MTUS2: variants seen among roughly 807,000 people sequenced by gnomAD.
MTUS2 encodes the protein microtubule associated scaffold protein 2.
A neutral mutation model predicts 114.1 loss-of-function variants in MTUS2; 40 were observed. The ratio of observed to expected loss-of-function variants is 0.35; its 90% confidence interval spans 0.27 to 0.46. The LOEUF is 0.46. Among genes scored for constraint, MTUS2 ranks in the 20% least tolerant of loss-of-function variants. MTUS2 has a pLI of 1.00. For missense variants in MTUS2, 1,679 were observed against 1,705.4 expected (o/e 0.98, Z 0.27); for synonymous variants, 688 against 672.0 (o/e 1.02, Z -0.37).
At chr13:28,993,808 G>C (rs1177616949) in intron 2 of MTUS2, among the ~76,000 whole-genome samples, 2 of 151,224 alleles carry the variant, frequency 1.3e-5, no homozygotes, top group African/African-American at 4.9e-5. Flanking sequence ...TTTTTTGCTT[G>C]GTTGATTTTC....
At chr13:29,007,758 C>T (rs984627268) in intron 2 of MTUS2, among the ~76,000 whole-genome samples, 26 of 152,118 alleles carry the variant, frequency 1.7e-4, no homozygotes, top group Admixed American at 1.5e-3. Flanking sequence ...CTTTCCCTCT[C>T]GCTTTACTTT....
intron 5 of MTUS2, chr13:29,250,487 A>G (rs1323037676): frequency 1.3e-5 from 2 of 151,380 alleles, no homozygotes; most frequent in African/African-American, 4.9e-5. Flanking sequence ...TCACTCTTGC[A>G]TGGCTGAATT....
chr13:29,394,388 G>T (rs1873741876), intron 8 of MTUS2, among the ~76,000 whole-genome samples: 2 of 152,276 alleles, frequency 1.3e-5, no homozygotes, highest in East Asian at 3.9e-4. Flanking sequence ...GTCTTAGGTG[G>T]ACGATTGGCA....
At chr13:28,965,850 A>G (rs1428123352) in intron 2 of MTUS2, among the ~76,000 whole-genome samples, 16 of 152,182 alleles carry the variant, frequency 1.1e-4, no homozygotes, top group Non-Finnish European at 2.4e-4. Context: ...CACCCACATT[A>G]TGGAGCATAA....
At chr13:29,349,442 G>T (rs1455981983) in intron 7 of MTUS2, among the ~76,000 whole-genome samples, 1 of 152,012 alleles carries the variant, frequency 6.6e-6, no homozygotes, top group Admixed American at 6.5e-5. Context: ...ATTTAAATAA[G>T]AAGAAGTCTG....
chr13:29,134,125 G>A (rs1011589512), intron 5 of MTUS2, among the ~76,000 whole-genome samples: 2 of 151,918 alleles, frequency 1.3e-5, no homozygotes, highest in African/African-American at 4.8e-5. Context: ...AATTTCCCTT[G>A]TGATTTCTTT....
intron 2 of MTUS2, among the ~76,000 whole-genome samples, chr13:29,002,371 C>T (rs1297664719): frequency 6.6e-6 from 1 of 152,200 alleles, no homozygotes; most frequent in Non-Finnish European, 1.5e-5. Flanking sequence ...CTGCTCTTGG[C>T]TGGTGTTTCC....
chr13:28,832,742 A>G (rs978652097), intron 1 of MTUS2, among the ~76,000 whole-genome samples: 13 of 141,066 alleles, frequency 9.2e-5, no homozygotes, highest in African/African-American at 3.1e-4. Flanking sequence ...GGACTAGAAC[A>G]GAAGTAAATG....
chr13:29,285,965 G>T lies in MTUS2; in HGVS notation c.2806+4100G>T, dbSNP rs377171689. Among the ~76,000 whole-genome samples, 16 of 152,258 alleles carry T rather than the reference G, an allele frequency of 1.1e-4. No individual in the cohort carries two copies. In the East Asian group the frequency reaches 1.7e-3, roughly 17 times the overall value. ...TTGTTTAGACAAGTCTCTCTCTTTT[G>T]CCCAGGCTGGAATGCAGTGGCGTGA... On this transcript the variant is annotated intron_variant, in intron 6 of 15. Transcript: ENST00000612955.
intron 5 of MTUS2, among the ~76,000 whole-genome samples, chr13:29,135,172 T>C (rs1927836): frequency 0.9 from 137,605 of 152,234 alleles, 62,214 homozygotes; most frequent in Admixed American, 0.93. Flanking sequence ...ACTACCCACT[T>C]ATTAGTCACT....
intron 6 of MTUS2, among the ~76,000 whole-genome samples, chr13:29,291,787 C>G (rs1317628341): frequency 6.6e-6 from 1 of 152,162 alleles, no homozygotes; most frequent in Non-Finnish European, 1.5e-5. Context: ...GCCTAAAAAC[C>G]CACAGAAAAT....
At chr13:29,434,978 T>C (rs2138658848) in intron 8 of MTUS2, among the ~76,000 whole-genome samples, 1 of 152,344 alleles carries the variant, frequency 6.6e-6, no homozygotes, top group Non-Finnish European at 1.5e-5. Context: ...TGCAGGGGTA[T>C]GTTTAAGGCA....
intron 9 of MTUS2, among the ~76,000 whole-genome samples, chr13:29,475,619 T>A (rs1356984969): frequency 6.6e-6 from 1 of 152,100 alleles, no homozygotes; most frequent in Non-Finnish European, 1.5e-5. Flanking sequence ...AATATATGCA[T>A]TTGTGTCTTA....
chr13:29,088,726 T>G (rs1190648620), intron 4 of MTUS2, among the ~76,000 whole-genome samples: 2 of 152,212 alleles, frequency 1.3e-5, no homozygotes, highest in Non-Finnish European at 2.9e-5. Flanking sequence ...TCTTTATCCT[T>G]TCTCATAATA....
intron 8 of MTUS2, among the ~76,000 whole-genome samples, chr13:29,373,558 C>T (rs573741857): frequency 1.3e-5 from 2 of 152,330 alleles, no homozygotes; most frequent in Admixed American, 6.5e-5. Context: ...ACAGCATACA[C>T]GGACTTTGAG....
chr13:29,267,993 T>G (rs566002507), intron 5 of MTUS2, among the ~76,000 whole-genome samples: 1 of 152,202 alleles, frequency 6.6e-6, no homozygotes, highest in South Asian at 2.1e-4. Flanking sequence ...AATCTGAAGG[T>G]AGACATCAGA....
chr13:28,860,993 T>A (rs1468094084), intron 2 of MTUS2, among the ~76,000 whole-genome samples: 1 of 152,070 alleles, frequency 6.6e-6, no homozygotes, highest in Non-Finnish European at 1.5e-5. Flanking sequence ...TGTTAGGGAA[T>A]CTTATCAGCC....
intron 5 of MTUS2, among the ~76,000 whole-genome samples, chr13:29,270,424 CTCAGAGCCAAGCGAG>C: frequency 6.6e-6 from 1 of 152,276 alleles, no homozygotes; most frequent in South Asian, 2.1e-4. Context: ...AGCACTACTT[CTCAGAGCCAAGCGAG>C]TCAGAGCCAA....
chr13:28,986,566 G>A (rs946598284), intron 2 of MTUS2, among the ~76,000 whole-genome samples: 1 of 152,204 alleles, frequency 6.6e-6, no homozygotes, highest in African/African-American at 2.4e-5. Flanking sequence ...GTCCCCTGAT[G>A]AATTTTGGGC....
Sources: allele counts gnomAD v4.1 joint callset (sites outside exome capture counted in the v4.1 genomes callset), GRCh38; gene constraint gnomAD v4.1.1; transcripts MANE v1.5; gene names NCBI Gene and HGNC (gene_info 2026-07-23, HGNC 2026-07-21).